Variants in RTL4 observed in about 807,000 individuals in gnomAD.
RTL4 encodes the protein retrotransposon Gag like 4, also known as retrotransposon Gag-like protein 4.
Under a neutral mutation model 5.3 loss-of-function variants are expected in RTL4, and 4 were observed. That is an observed-to-expected ratio of 0.75 (90% confidence interval 0.37 to 1.72). RTL4 has a LOEUF of 1.72. Ranked by LOEUF, RTL4 falls within the 40% of genes most tolerant of loss-of-function variation. The pLI, the probability that RTL4 is intolerant of heterozygous loss-of-function variation, is 0.04. For synonymous variants in RTL4, 98 were observed against 87.3 expected (o/e 1.12, Z -0.68); for missense variants, 260 against 227.1 (o/e 1.14, Z -0.93).
the RTL4 span, among the ~76,000 whole-genome samples, chrX:112,169,169 C>T: frequency 9.5e-6 from 1 of 105,191 alleles, no homozygotes; most frequent in African/African-American, 3.5e-5. Flanking sequence ...CTGGAGTGTG[C>T]AATGGTGCGT....
the RTL4 span, among the ~76,000 whole-genome samples, chrX:112,251,791 C>A: frequency 1.8e-5 from 2 of 111,614 alleles, no homozygotes; most frequent in African/African-American, 6.5e-5. Flanking sequence ...TAATGATAAA[C>A]CCAGGATAAA....
the RTL4 span, among the ~76,000 whole-genome samples, chrX:112,334,385 C>T: frequency 2.0e-3 from 220 of 111,591 alleles, no homozygotes; most frequent in African/African-American, 6.7e-3. Flanking sequence ...AACTGTTATC[C>T]GTAGTGGTTG....
chrX:112,175,602 T>C, the RTL4 span, among the ~76,000 whole-genome samples: 1 of 110,221 alleles, frequency 9.1e-6, no homozygotes, highest in Non-Finnish European at 1.9e-5. Context: ...AGTAGTTTTT[T>C]CCAATTCTGT....
At chrX:112,174,762 A>T in the RTL4 span, among the ~76,000 whole-genome samples, 1 of 97,838 alleles carries the variant, frequency 1.0e-5, no homozygotes, top group Non-Finnish European at 2.1e-5. Flanking sequence ...TGACTTTTTA[A>T]TGATTGCCAT....
At chrX:112,227,909 C>A in the RTL4 span, among the ~76,000 whole-genome samples, 2 of 111,160 alleles carry the variant, frequency 1.8e-5, no homozygotes, top group Admixed American at 9.6e-5. Context: ...GCTCAGGAGA[C>A]AAACTCTCTA....
chrX:112,400,176 C>A, the RTL4 span, among the ~76,000 whole-genome samples: 1 of 111,136 alleles, frequency 9.0e-6, no homozygotes, highest in Non-Finnish European at 1.9e-5. Flanking sequence ...TTTTCTATCC[C>A]TCTGCTTTCT....
the RTL4 span, among the ~76,000 whole-genome samples, chrX:112,178,900 AT>A: frequency 8.9e-6 from 1 of 111,981 alleles, no homozygotes. Flanking sequence ...AGTCTCTTGA[AT>A]TGTCAATTTA....
At chrX:112,105,790 G>A in the RTL4 span, among the ~76,000 whole-genome samples, 1 of 111,260 alleles carries the variant, frequency 9.0e-6, no homozygotes, top group Non-Finnish European at 1.9e-5. Flanking sequence ...GGAGTCTTTA[G>A]AGTTTTCTGT....
the RTL4 span, among the ~76,000 whole-genome samples, chrX:112,325,509 T>C: frequency 1.8e-5 from 2 of 111,565 alleles, no homozygotes; most frequent in East Asian, 5.6e-4. Context: ...CATCTACAAC[T>C]ATCTGATCTT....
the RTL4 span, among the ~76,000 whole-genome samples, chrX:112,359,071 C>G: frequency 9.0e-6 from 1 of 111,603 alleles, no homozygotes; most frequent in African/African-American, 3.3e-5. Context: ...AACAGTGAGT[C>G]TATAATATAT....
At chrX:112,443,425 G>A in the RTL4 span, among the ~76,000 whole-genome samples, 1 of 111,342 alleles carries the variant, frequency 9.0e-6, no homozygotes, top group Non-Finnish European at 1.9e-5. Context: ...TCCTTATACT[G>A]ATTCTTTTTC....
the RTL4 span, among the ~76,000 whole-genome samples, chrX:112,226,989 C>CAAAACAAAATAAAAT: frequency 1.7e-4 from 16 of 95,732 alleles, no homozygotes; most frequent in African/African-American, 5.6e-4. Flanking sequence ...TAAAATAAAA[C>CAAAACAAAATAAAAT]AAAATAAAAT....
the RTL4 span, among the ~76,000 whole-genome samples, chrX:112,172,742 AATCAACCCAT>A: frequency 9.0e-6 from 1 of 111,598 alleles, no homozygotes; most frequent in African/African-American, 3.3e-5. Flanking sequence ...AAAGACATGG[AATCAACCCAT>A]ATCAACCCAT....
At chrX:112,181,959 T>C in the RTL4 span, among the ~76,000 whole-genome samples, 2 of 111,358 alleles carry the variant, frequency 1.8e-5, no homozygotes, top group Non-Finnish European at 3.8e-5. Context: ...CAGGTGCCCC[T>C]CTGGGATGAA....
chrX:112,298,806 C>G, the RTL4 span, among the ~76,000 whole-genome samples: 3 of 112,360 alleles, frequency 2.7e-5, no homozygotes, highest in Non-Finnish European at 5.6e-5. Context: ...GAGCTTTCAC[C>G]GGCACTCAGG....
the RTL4 span, among the ~76,000 whole-genome samples, chrX:112,247,884 G>T: frequency 1.8e-5 from 2 of 111,774 alleles, no homozygotes; most frequent in Non-Finnish European, 1.9e-5. Flanking sequence ...AGGAAGGACT[G>T]GTTTCCTCCA....
At chrX:112,280,966 T>A in the RTL4 span, among the ~76,000 whole-genome samples, 232 of 111,865 alleles carry the variant, frequency 2.1e-3, 2 homozygotes, top group Admixed American at 0.018. Flanking sequence ...CTAACTAACA[T>A]ATGCATTACC....
chrX:112,110,770 C>A, the RTL4 span, among the ~76,000 whole-genome samples: 1 of 112,147 alleles, frequency 8.9e-6, no homozygotes, highest in African/African-American at 3.2e-5. Flanking sequence ...TTTCCTAACT[C>A]TGCTTTTACA....
the RTL4 span, among the ~76,000 whole-genome samples, chrX:112,251,267 G>A: frequency 8.9e-6 from 1 of 112,165 alleles, no homozygotes; most frequent in South Asian, 3.7e-4. Context: ...TCATGTGTTA[G>A]ATTTTTGCTT....
Sources: allele counts gnomAD v4.1 joint callset (sites outside exome capture counted in the v4.1 genomes callset), GRCh38; gene constraint gnomAD v4.1.1; transcripts MANE v1.5; gene names NCBI Gene and HGNC (gene_info 2026-07-23, HGNC 2026-07-21).